Variants in CRIM1 observed in about 807,000 individuals in gnomAD.
CRIM1 encodes the protein cysteine rich transmembrane BMP regulator 1.
Under a neutral mutation model 116.4 loss-of-function variants are expected in CRIM1, and 32 were observed. The ratio of observed to expected loss-of-function variants is 0.27; its 90% CI spans 0.21 to 0.37. CRIM1 has a LOEUF of 0.37. Among genes scored for constraint, CRIM1 ranks in the 10% least tolerant of loss-of-function variants. The pLI is 1.00. For synonymous variants in CRIM1, 590 were observed against 509.2 expected (o/e 1.16, Z -2.13); for missense variants, 1,331 against 1,354.8 (o/e 0.98, Z 0.28).
rs1352359058 is a variant in CRIM1, at chr2:36,510,080, C to T, written c.1599C>T (p.Arg533=). Residue 533 remains arginine, a synonymous_variant, in exon 9 of 17, where the codon CGC becomes CGT. Transcript: ENST00000280527. The stretch of plus-strand genomic sequence containing the variant: ...AAAACTGTGAGATCTGTGAGTGCCG[C>T]CCAAGGCCCAAGAAGTGCAGACCCA... ...DAQNCEICEC[R]PRPKKCRPII... 3 of 1,614,142 alleles carry T rather than the reference C, an allele frequency of 1.9e-6. No individual in the cohort carries two copies. Among genetic ancestry groups the T allele is most frequent in the East Asian group, 2.2e-5 (1 of 44,876 alleles).
intron 2 of CRIM1, among the ~76,000 whole-genome samples, chr2:36,420,929 C>G (rs1019007599): frequency 1.3e-5 from 2 of 152,172 alleles, no homozygotes; most frequent in Non-Finnish European, 2.9e-5. Context: ...TCTTGAGTCT[C>G]TCCTGCCTGT....
At chr2:36,482,654 G>C (rs964526473) in intron 7 of CRIM1, among the ~76,000 whole-genome samples, 9 of 152,172 alleles carry the variant, frequency 5.9e-5, no homozygotes, top group Admixed American at 3.3e-4. Flanking sequence ...CAGAAACACT[G>C]GTATTTACTT....
Position 36,548,766 on chromosome 2 carries a change from C to T in CRIM1, c.*65C>T. 7.2e-7 allele frequency: 1 copy of T among 1,380,108 alleles called. No homozygotes were observed. Among genetic ancestry groups the T allele is most frequent in the South Asian group, 1.4e-5 (1 of 70,826 alleles). The allele number at this position is 1,380,108 out of a possible 1,614,324, so 85.5% of individuals were successfully genotyped here. A position where few individuals can be genotyped will look rare whatever the true frequency, so the allele number is the denominator to read the frequency against. The stretch of plus-strand genomic sequence containing the variant: ...GACTAAATCTGCTCTAAAAAGTAAA[C>T]TAGAATTTGTGCACTTGCTTAGTGG... On this transcript the variant is annotated 3_prime_UTR_variant, in exon 17 of 17. Transcript: ENST00000280527.
Position 36,466,876 on chromosome 2 carries a change from G to A in CRIM1, c.991+2221G>A, listed in dbSNP as rs140021889. 5.9e-5 allele frequency among the ~76,000 whole-genome samples: 9 copies of A among 152,292 alleles called. No individual in the cohort carries two copies. In the East Asian group the frequency reaches 1.7e-3, roughly 29 times the overall value. On this transcript the variant is annotated intron_variant, in intron 5 of 16. Coordinates refer to ENST00000280527, the MANE Select transcript of CRIM1 (RefSeq NM_016441.3). ...AATATCATCTCTAGTAGAAAGATTT[G>A]CTGGTGTTTCCTATGGGTGAGGAAC...
chr2:36,461,560 G>A (rs1279437844), intron 4 of CRIM1, among the ~76,000 whole-genome samples: 1 of 152,162 alleles, frequency 6.6e-6, no homozygotes, highest in Non-Finnish European at 1.5e-5. Context: ...TGACTAAGCT[G>A]TGTAACTCCT....
chr2:36,381,272 G>T (rs1350157982), intron 1 of CRIM1, among the ~76,000 whole-genome samples: 1 of 152,246 alleles, frequency 6.6e-6, no homozygotes, highest in Non-Finnish European at 1.5e-5. Flanking sequence ...TGGCCTTGAG[G>T]TGGGATGGAG....
At chr2:36,539,357 G>A (rs1666781119) in intron 14 of CRIM1, among the ~76,000 whole-genome samples, 1 of 152,204 alleles carries the variant, frequency 6.6e-6, no homozygotes, top group African/African-American at 2.4e-5. Flanking sequence ...ATGTTCAGGA[G>A]GAGCTGTGTG....
intron 1 of CRIM1, among the ~76,000 whole-genome samples, chr2:36,362,408 T>C (rs1015356365): frequency 6.6e-6 from 1 of 152,192 alleles, no homozygotes; most frequent in African/African-American, 2.4e-5. Context: ...TTAGAGCCTG[T>C]GCAATTGGTC....
At chr2:36,430,274 T>A (rs1276130116) in intron 2 of CRIM1, among the ~76,000 whole-genome samples, 1 of 152,188 alleles carries the variant, frequency 6.6e-6, no homozygotes, top group Non-Finnish European at 1.5e-5. Context: ...AGCCAAGCCC[T>A]TTAATGGCTA....
intron 8 of CRIM1, among the ~76,000 whole-genome samples, chr2:36,508,099 C>A (rs1278509192): frequency 2.6e-5 from 4 of 152,100 alleles, no homozygotes; most frequent in East Asian, 1.9e-4. Flanking sequence ...AAAATTATGA[C>A]CTTTCAAGTC....
At chr2:36,364,801 T>C (rs991906390) in intron 1 of CRIM1, among the ~76,000 whole-genome samples, 1 of 152,328 alleles carries the variant, frequency 6.6e-6, no homozygotes, top group Non-Finnish European at 1.5e-5. Context: ...TAGAGATTTA[T>C]ATATATGATT....
chr2:36,538,475 T>C (rs527355898), intron 14 of CRIM1, among the ~76,000 whole-genome samples: 3 of 152,296 alleles, frequency 2.0e-5, no homozygotes, highest in African/African-American at 7.2e-5. Flanking sequence ...AGCATTATAT[T>C]AGAGAACCTT....
intron 4 of CRIM1, among the ~76,000 whole-genome samples, chr2:36,443,952 T>G (rs894634754): frequency 6.6e-6 from 1 of 152,196 alleles, no homozygotes; most frequent in African/African-American, 2.4e-5. Context: ...CCTATGACAT[T>G]AGAATATGAT....
rs982698755 is a variant in CRIM1 at position 36,424,214 on chromosome 2, T to C, written c.506-17044T>C. On this transcript the variant is annotated intron_variant, in intron 2 of 16. Transcript: ENST00000280527. The stretch of plus-strand genomic sequence containing the variant: ...TGTGAACATTTTATAAAGTAGGTTG[T>C]GCATAAAGTCTACGAAAATAGACTG... Among the ~76,000 whole-genome samples the C allele has an allele frequency of 2.6e-3, 392 of 152,230 alleles. 2 individuals carry two copies. Among genetic ancestry groups the C allele is most frequent in the South Asian group, 4.8e-3 (23 of 4,826 alleles).
At chr2:36,470,282 C>T (rs939857853) in intron 5 of CRIM1, among the ~76,000 whole-genome samples, 1 of 152,064 alleles carries the variant, frequency 6.6e-6, no homozygotes, top group Non-Finnish European at 1.5e-5. Flanking sequence ...AGCTGCATGT[C>T]GAAGCTGCAG....
intron 2 of CRIM1, among the ~76,000 whole-genome samples, chr2:36,437,749 C>T (rs1276940315): frequency 6.6e-6 from 1 of 152,180 alleles, no homozygotes; most frequent in African/African-American, 2.4e-5. Context: ...ACAAAGGCAG[C>T]TCTTAAGACA....
intron 8 of CRIM1, among the ~76,000 whole-genome samples, chr2:36,502,931 ATTC>A (rs562731103): frequency 6.6e-6 from 1 of 152,132 alleles, no homozygotes; most frequent in Non-Finnish European, 1.5e-5. Flanking sequence ...CTTATTTTGG[ATTC>A]TTCTTAAAGT....
At chr2:36,456,779 A>ACC (rs554750273) in intron 4 of CRIM1, among the ~76,000 whole-genome samples, 1 of 144,178 alleles carries the variant, frequency 6.9e-6, no homozygotes, top group East Asian at 2.0e-4. Flanking sequence ...GTCTGTCTCC[A>ACC]CCCCCCCACC....
At chr2:36,465,248 G>C (rs759716718) in intron 5 of CRIM1, among the ~76,000 whole-genome samples, 7 of 152,228 alleles carry the variant, frequency 4.6e-5, no homozygotes, top group Non-Finnish European at 8.8e-5. Context: ...CCTTCTGACA[G>C]AATCTGCCTC....
Sources: gnomAD v4.1 joint callset for allele counts (sites outside exome capture counted in the v4.1 genomes callset) on GRCh38, gnomAD v4.1.1 for gene constraint, MANE v1.5 for transcripts, NCBI Gene and HGNC (gene_info 2026-07-23, HGNC 2026-07-21) for gene names.